The following CD86 variants were observed in gnomAD, a reference collection of about 807,000 sequenced individuals.
CD86 encodes T-lymphocyte activation antigen CD86.
Under a neutral mutation model 32.1 loss-of-function variants are expected in CD86, and 11 were observed. The observed-to-expected ratio is 0.34, with a 90% CI of 0.22 to 0.57. The LOEUF (loss-of-function observed/expected upper bound fraction) is 0.57, where lower values mean the gene tolerates loss of function less well. Ranked by LOEUF, CD86 falls within the 20% of genes least tolerant of loss-of-function variation. The probability of loss-of-function intolerance (pLI) is 0.86; values close to 1 mark genes in which losing one functional copy is unlikely to be tolerated. For synonymous variants in CD86, 137 were observed against 135.3 expected (o/e 1.01, Z -0.09); for missense variants, 359 against 398.4 (o/e 0.90, Z 0.84).
chr3:122,078,359 T>G (rs1454933435), intron 1 of CD86, among the ~76,000 whole-genome samples: 1 of 152,202 alleles, frequency 6.6e-6, no homozygotes, highest in African/African-American at 2.4e-5. Flanking sequence ...TTTGGGGTGC[T>G]GGGGTCTCCG....
At position 122,101,495 on chromosome 3, in the gene CD86, GAAAAAAAA is replaced by G. The variant is rs72402574; in HGVS notation, c.65-2005_65-1998del. ...AAAGAAGATACTGTGAGGCTCTACA[GAAAAAAAA>G]AAAAAAAAAAATATATATATATATA... On this transcript the variant is annotated intron_variant, in intron 2 of 6. Coordinates refer to ENST00000330540, the MANE Select transcript of CD86 (RefSeq NM_175862.5). Among the ~76,000 whole-genome samples the G allele has an allele frequency of 1.1e-4, 6 of 53,376 alleles. No individual in the cohort carries two copies. In the South Asian group the frequency reaches 3.4e-3, roughly 31 times the overall value. 35.0% of individuals were successfully genotyped at this position (53,376 alleles called of 152,430 possible).
intron 2 of CD86, among the ~76,000 whole-genome samples, chr3:122,101,795 A>G (rs147750024): frequency 1.3e-5 from 2 of 152,012 alleles, no homozygotes; most frequent in East Asian, 1.9e-4. Flanking sequence ...TCAGCAAAGA[A>G]GATGCAGAAG....
At chr3:122,113,321 A>G (rs1227889982) in intron 5 of CD86, among the ~76,000 whole-genome samples, 3 of 152,188 alleles carry the variant, frequency 2.0e-5, no homozygotes, top group Non-Finnish European at 4.4e-5. Flanking sequence ...ATGCGTGTGC[A>G]TGTGTCTTTT....
chr3:122,080,226 C>T (rs184444729), intron 1 of CD86, among the ~76,000 whole-genome samples: 40 of 152,198 alleles, frequency 2.6e-4, no homozygotes, highest in African/African-American at 9.4e-4. Flanking sequence ...TCAGAGCCCT[C>T]GAGTGGATGA....
At chr3:122,113,616 C>G (rs995611279) in intron 5 of CD86, among the ~76,000 whole-genome samples, 12 of 152,232 alleles carry the variant, frequency 7.9e-5, no homozygotes, top group Admixed American at 2.6e-4. Flanking sequence ...TGATATTGAA[C>G]TTTTTTTCAT....
chr3:122,094,459 C>T (rs2072875588), intron 2 of CD86, among the ~76,000 whole-genome samples: 1 of 152,150 alleles, frequency 6.6e-6, no homozygotes, highest in Admixed American at 6.5e-5. Flanking sequence ...GAATAGAAAG[C>T]CCATGACATC....
intron 1 of CD86, among the ~76,000 whole-genome samples, chr3:122,066,161 T>G (rs562303864): frequency 6.6e-6 from 1 of 152,162 alleles, no homozygotes; most frequent in Non-Finnish European, 1.5e-5. Flanking sequence ...CAAGAACCAT[T>G]CAGTTTTGGG....
chr3:122,115,040 G>T (rs997897752), intron 5 of CD86, among the ~76,000 whole-genome samples: 2 of 152,064 alleles, frequency 1.3e-5, no homozygotes, highest in African/African-American at 4.8e-5. Context: ...ACTAGAAAAA[G>T]AAATAAAAGA....
chr3:122,067,205 G>A (rs1253791734), intron 1 of CD86, among the ~76,000 whole-genome samples: 1 of 152,234 alleles, frequency 6.6e-6, no homozygotes, highest in African/African-American at 2.4e-5. Flanking sequence ...AAGGCCTTGT[G>A]TGTCTTGCTG....
intron 1 of CD86, among the ~76,000 whole-genome samples, chr3:122,074,703 G>A (rs1055302918): frequency 2.0e-5 from 3 of 152,128 alleles, no homozygotes; most frequent in Non-Finnish European, 4.4e-5. Context: ...GACTCTCTCT[G>A]GTGAAGTTTG....
chr3:122,104,387 A>C (rs2073058649), intron 3 of CD86, among the ~76,000 whole-genome samples: 1 of 152,210 alleles, frequency 6.6e-6, no homozygotes, highest in Non-Finnish European at 1.5e-5. Context: ...CCCAACAAAC[A>C]TAACCCACAA....
At chr3:122,061,732 A>G (rs1024714923) in intron 1 of CD86, among the ~76,000 whole-genome samples, 1 of 152,220 alleles carries the variant, frequency 6.6e-6, no homozygotes, top group African/African-American at 2.4e-5. Context: ...TCATGCATAC[A>G]TTGCTTGTTG....
At chr3:122,103,924 G>T (rs1301666564) in intron 3 of CD86, 77 bp downstream of exon 3, 5 of 1,267,482 alleles carry the variant, frequency 3.9e-6, no homozygotes, top group Non-Finnish European at 5.6e-6. Context: ...AAACACTGGA[G>T]GGGGACTTGA....
intron 5 of CD86, among the ~76,000 whole-genome samples, 165 bp downstream of exon 5, chr3:122,109,573 G>A (rs1475746030): frequency 1.3e-5 from 2 of 152,368 alleles, no homozygotes; most frequent in African/African-American, 2.4e-5. Flanking sequence ...CAGACTGGCA[G>A]TAGCAGATAA....
At chr3:122,114,920 C>T (rs941504844) in intron 5 of CD86, among the ~76,000 whole-genome samples, 12 of 152,184 alleles carry the variant, frequency 7.9e-5, no homozygotes, top group African/African-American at 2.9e-4. Context: ...CATAATATTT[C>T]ATGATAGAAG....
intron 1 of CD86, among the ~76,000 whole-genome samples, chr3:122,082,532 G>A (rs1427881246): frequency 6.6e-6 from 1 of 152,192 alleles, no homozygotes; most frequent in African/African-American, 2.4e-5. Context: ...TACCACAAGC[G>A]ATGTGGTCTG....
At chr3:122,101,513 A>AAAAAAAT (rs1202377219) in intron 2 of CD86, among the ~76,000 whole-genome samples, 4 of 46,346 alleles carry the variant, frequency 8.6e-5, no homozygotes, top group African/African-American at 2.6e-4. Context: ...AAAAAAAAAA[A>AAAAAAAT]ATATATATAT....
At chr3:122,116,941 T>C (rs2073261639) in intron 5 of CD86, among the ~76,000 whole-genome samples, 2 of 152,240 alleles carry the variant, frequency 1.3e-5, no homozygotes. Flanking sequence ...TCGATCTTGA[T>C]TGTGGTGGTG....
At chr3:122,081,310 A>G (rs911327775) in intron 1 of CD86, among the ~76,000 whole-genome samples, 2 of 152,228 alleles carry the variant, frequency 1.3e-5, no homozygotes, top group African/African-American at 4.8e-5. Flanking sequence ...TGTCTCAGAA[A>G]GTCGTCAAAG....
Sources: allele counts gnomAD v4.1 joint callset (sites outside exome capture counted in the v4.1 genomes callset), GRCh38; gene constraint gnomAD v4.1.1; transcripts MANE v1.5; gene names NCBI Gene and HGNC (gene_info 2026-07-23, HGNC 2026-07-21).